Variants in CNTLN observed in about 807,000 individuals in gnomAD.
CNTLN encodes centlein.
In CNTLN, 212 loss-of-function variants were observed where a neutral mutation model predicts 180.0. That is an observed-to-expected ratio of 1.18 (90% confidence interval 1.05 to 1.32). The LOEUF is 1.32. CNTLN is among the 40% of genes most tolerant of loss of function. The probability of loss-of-function intolerance (pLI) is 0.00; values close to 1 mark genes in which losing one functional copy is unlikely to be tolerated. For missense variants in CNTLN, 2,095 were observed against 1,610.9 expected (o/e 1.30, Z -5.14); for synonymous variants, 722 against 563.1 (o/e 1.28, Z -3.99).
At chr9:17,136,678 A>T in intron 1 of CNTLN, among the ~76,000 whole-genome samples, 1 of 152,196 alleles carries the variant, frequency 6.6e-6, no homozygotes, top group Non-Finnish European at 1.5e-5. Flanking sequence ...GACTGAGTGA[A>T]GGGTGTAAAA....
At chr9:17,522,060 C>T in the CNTLN span, among the ~76,000 whole-genome samples, 1 of 152,146 alleles carries the variant, frequency 6.6e-6, no homozygotes, top group Non-Finnish European at 1.5e-5. Context: ...ACCCCCACCC[C>T]ACCTGTATGC....
In CNTLN at chr9:17,348,225, T is replaced by C. The variant is rs190286718; in HGVS notation, c.1886+5781T>C. ...ATTCAAAATTTGAAGTACGTTAAAA[T>C]TGCAAAAGCTTTACACCATCATAAA... is the stretch of plus-strand genomic sequence containing the variant. On this transcript the variant is annotated intron_variant, in intron 12 of 25. Coordinates refer to ENST00000380647, the MANE Select transcript of CNTLN (RefSeq NM_017738.4). 2.8e-4 allele frequency among the ~76,000 whole-genome samples: 42 copies of C among 151,536 alleles called. 1 individual carries two copies. Among genetic ancestry groups the C allele is most frequent in the Admixed American group, 9.8e-4 (15 of 15,268 alleles).
intron 15 of CNTLN, among the ~76,000 whole-genome samples, chr9:17,408,444 A>T (rs1827579340): frequency 1.3e-5 from 2 of 152,110 alleles, no homozygotes; most frequent in Admixed American, 1.3e-4. Flanking sequence ...GATAAAGGTT[A>T]CATGAGGGAA....
chr9:17,441,805 A>G (rs1830126042), intron 18 of CNTLN, among the ~76,000 whole-genome samples: 1 of 152,084 alleles, frequency 6.6e-6, no homozygotes, highest in South Asian at 2.1e-4. Flanking sequence ...TCTCTATGAG[A>G]CTCACTTTAG....
intron 25 of CNTLN, among the ~76,000 whole-genome samples, chr9:17,493,335 A>G (rs563264030): frequency 1.3e-5 from 2 of 152,294 alleles, no homozygotes; most frequent in East Asian, 3.9e-4. Context: ...ATGATTTCCA[A>G]AATATTGGGA....
chr9:17,338,337 G>GTT (rs71331486), intron 10 of CNTLN, among the ~76,000 whole-genome samples: 25,920 of 100,070 alleles, frequency 0.26, 4,533 homozygotes, highest in South Asian at 0.39. Context: ...GCTAATTTTT[G>GTT]TTTTTTTTTT....
intron 5 of CNTLN, among the ~76,000 whole-genome samples, chr9:17,270,947 C>CTTTT (rs78896738): frequency 0.079 from 9,524 of 121,220 alleles, 945 homozygotes; most frequent in African/African-American, 0.18. Flanking sequence ...GAGAGGAGTT[C>CTTTT]TTTTTTTTTT....
chr9:17,255,721 G>A (rs1826438216), intron 5 of CNTLN, among the ~76,000 whole-genome samples: 1 of 151,784 alleles, frequency 6.6e-6, no homozygotes, highest in Non-Finnish European at 1.5e-5. Flanking sequence ...TATTGGTAGA[G>A]TTTGAGGAGG....
chr9:17,209,177 T>C (rs913035720), intron 2 of CNTLN, among the ~76,000 whole-genome samples: 2 of 152,200 alleles, frequency 1.3e-5, no homozygotes, highest in Non-Finnish European at 2.9e-5. Flanking sequence ...AATTTCTTCA[T>C]CGTCATTCAA....
At chr9:17,497,488 A>G (rs1280709664) in intron 25 of CNTLN, among the ~76,000 whole-genome samples, 3 of 152,136 alleles carry the variant, frequency 2.0e-5, no homozygotes, top group African/African-American at 4.8e-5. Context: ...CATCTCCCCA[A>G]CCCCAAGGAC....
the CNTLN span, among the ~76,000 whole-genome samples, chr9:17,528,092 A>G: frequency 6.6e-6 from 1 of 152,110 alleles, no homozygotes; most frequent in Non-Finnish European, 1.5e-5. Flanking sequence ...AGAAACATAG[A>G]TATGTTTCCA....
chr9:17,252,023 T>C (rs1347880004), intron 5 of CNTLN, among the ~76,000 whole-genome samples: 2 of 151,938 alleles, frequency 1.3e-5, no homozygotes, highest in African/African-American at 2.4e-5. Flanking sequence ...TTTATTGTAA[T>C]GACCTTCAGT....
At chr9:17,359,114 G>A (rs1431365248) in intron 12 of CNTLN, among the ~76,000 whole-genome samples, 3 of 151,800 alleles carry the variant, frequency 2.0e-5, no homozygotes, top group East Asian at 1.9e-4. Context: ...AACTTCCTGG[G>A]TTCAAGTGAT....
intron 5 of CNTLN, among the ~76,000 whole-genome samples, chr9:17,257,399 C>T (rs1261421165): frequency 6.6e-6 from 1 of 152,006 alleles, no homozygotes; most frequent in African/African-American, 2.4e-5. Flanking sequence ...GGGTTGGTTC[C>T]AAGTCTTTGC....
chr9:17,137,578 T>C (rs1817807073), intron 1 of CNTLN, among the ~76,000 whole-genome samples: 1 of 152,246 alleles, frequency 6.6e-6, no homozygotes, highest in African/African-American at 2.4e-5. Flanking sequence ...TGTGGGCTGA[T>C]ATTTTTTCAG....
At chr9:17,201,000 C>T (rs200143632) in intron 2 of CNTLN, among the ~76,000 whole-genome samples, 64 of 152,236 alleles carry the variant, frequency 4.2e-4, no homozygotes, top group African/African-American at 1.2e-3. Context: ...TTTTGCGATA[C>T]GTTCCATCAA....
At chr9:17,407,379 T>C (rs1347061730) in intron 15 of CNTLN, among the ~76,000 whole-genome samples, 1 of 152,216 alleles carries the variant, frequency 6.6e-6, no homozygotes, top group East Asian at 1.9e-4. Flanking sequence ...ACCAGTAACC[T>C]TTTAAAATAG....
chr9:17,227,611 G>C (rs1422703539), intron 3 of CNTLN, among the ~76,000 whole-genome samples: 23 of 151,836 alleles, frequency 1.5e-4, no homozygotes, highest in Non-Finnish European at 8.8e-5. Context: ...AAAGGTTCAT[G>C]AGAACTTTGA....
chr9:17,513,801 GA>G, the CNTLN span, among the ~76,000 whole-genome samples: 4 of 151,788 alleles, frequency 2.6e-5, no homozygotes, highest in African/African-American at 9.7e-5. Flanking sequence ...AAAAACAACT[GA>G]AAAAAAGATA....
Sources: allele counts gnomAD v4.1 joint callset (sites outside exome capture counted in the v4.1 genomes callset), GRCh38; gene constraint gnomAD v4.1.1; transcripts MANE v1.5; gene names NCBI Gene and HGNC (gene_info 2026-07-23, HGNC 2026-07-21).